The following EFNA5 variants were observed in gnomAD, a reference collection of about 807,000 sequenced individuals.
The protein encoded by EFNA5 is ephrin-A5.
Under a neutral mutation model 22.9 loss-of-function variants are expected in EFNA5, and 5 were observed. The ratio of observed to expected loss-of-function variants is 0.22; its 90% CI spans 0.11 to 0.46. The LOEUF (loss-of-function observed/expected upper bound fraction) is 0.46, where lower values mean the gene tolerates loss of function less well. EFNA5 is among the 20% of genes least tolerant of loss of function. The pLI is 0.99. For synonymous variants in EFNA5, 113 were observed against 112.2 expected (o/e 1.01, Z -0.04); for missense variants, 237 against 293.3 (o/e 0.81, Z 1.40).
intron 1 of EFNA5, among the ~76,000 whole-genome samples, chr5:107,481,849 C>A (rs201064660): frequency 1.7e-3 from 200 of 119,666 alleles, no homozygotes; most frequent in Admixed American, 2.1e-3. Flanking sequence ...GACTCCATCT[C>A]AAAAAAAAAA....
intron 1 of EFNA5, among the ~76,000 whole-genome samples, chr5:107,633,218 C>T (rs1264748416): frequency 1.3e-5 from 2 of 152,214 alleles, no homozygotes; most frequent in Admixed American, 1.3e-4. Context: ...CCGAAGTGAA[C>T]TACTCCTCCA....
At chr5:107,381,692 A>G (rs1205944862) in intron 4 of EFNA5, among the ~76,000 whole-genome samples, 1 of 151,952 alleles carries the variant, frequency 6.6e-6, no homozygotes. Context: ...CAAATTTCAG[A>G]TATCTGAATG....
At chr5:107,575,734 T>G (rs1034231629) in intron 1 of EFNA5, among the ~76,000 whole-genome samples, 1 of 152,116 alleles carries the variant, frequency 6.6e-6, no homozygotes, top group African/African-American at 2.4e-5. Context: ...GGCCACAGAA[T>G]GAAAAGATTT....
At chr5:107,413,104 A>G (rs987848899) in intron 2 of EFNA5, among the ~76,000 whole-genome samples, 1 of 152,188 alleles carries the variant, frequency 6.6e-6, no homozygotes, top group African/African-American at 2.4e-5. Context: ...GAAAACTTGA[A>G]GCATGGGTTG....
chr5:107,416,782 A>C (rs1748515758), intron 2 of EFNA5, among the ~76,000 whole-genome samples: 2 of 152,242 alleles, frequency 1.3e-5, no homozygotes, highest in East Asian at 3.9e-4. Flanking sequence ...AAAAGTAAAA[A>C]ATTTGCCTGT....
chr5:107,502,149 T>C (rs1747151187), intron 1 of EFNA5, among the ~76,000 whole-genome samples: 1 of 152,210 alleles, frequency 6.6e-6, no homozygotes, highest in African/African-American at 2.4e-5. Context: ...AGTTCACCGA[T>C]CTAATTCCAG....
chr5:107,629,127 A>G (rs902837522), intron 1 of EFNA5, among the ~76,000 whole-genome samples: 8 of 152,286 alleles, frequency 5.3e-5, no homozygotes, highest in African/African-American at 1.9e-4. Context: ...TACTACGTGC[A>G]TGTATTACCT....
intron 2 of EFNA5, among the ~76,000 whole-genome samples, chr5:107,406,902 G>A (rs887900166): frequency 6.6e-5 from 10 of 152,064 alleles, no homozygotes; most frequent in African/African-American, 2.4e-4. Context: ...CTAACTGCCC[G>A]CAGAATCACA....
At position 107,384,443 on chromosome 5, in the gene EFNA5, T is replaced by C. The variant is rs543079234; in HGVS notation, c.565+2792A>G. On this transcript the variant is annotated intron_variant, in intron 4 of 4. Transcript: ENST00000333274. ...TGTGCAAGCAAACAAAAAAGACAAA[T>C]ACATTCCAAAGACAGGTGAATTAGT... Among the ~76,000 whole-genome samples the C allele has an allele frequency of 2.0e-5, 3 of 152,184 alleles. No homozygotes were observed. In the East Asian group the frequency reaches 5.8e-4, roughly 29 times the overall value.
At chr5:107,473,220 G>T in intron 1 of EFNA5, among the ~76,000 whole-genome samples, 1 of 150,056 alleles carries the variant, frequency 6.7e-6, no homozygotes, top group Non-Finnish European at 1.5e-5. Context: ...CCCAAATCTT[G>T]ACTCTAAAAA....
intron 1 of EFNA5, among the ~76,000 whole-genome samples, chr5:107,594,915 T>C (rs116078612): frequency 1.7e-3 from 255 of 152,362 alleles, no homozygotes; most frequent in Middle Eastern, 0.01. Flanking sequence ...AAAGCAGACC[T>C]TCTGGCCAAA....
chr5:107,580,741 GAAAAGA>G (rs1749051299), intron 1 of EFNA5, among the ~76,000 whole-genome samples: 2 of 128,928 alleles, frequency 1.6e-5, no homozygotes, highest in South Asian at 2.4e-4. Flanking sequence ...AAAAAAAAAA[GAAAAGA>G]AAAGAAAAGA....
intron 1 of EFNA5, among the ~76,000 whole-genome samples, chr5:107,557,834 A>G (rs1385119306): frequency 6.6e-6 from 1 of 152,232 alleles, no homozygotes; most frequent in Non-Finnish European, 1.5e-5. Context: ...GGCCTCTTAT[A>G]ATAATGATGT....
chr5:107,627,171 T>C (rs1379235442), intron 1 of EFNA5, among the ~76,000 whole-genome samples: 1 of 152,228 alleles, frequency 6.6e-6, no homozygotes, highest in Non-Finnish European at 1.5e-5. Flanking sequence ...ATTAATATAC[T>C]ATTACTAAAA....
intron 1 of EFNA5, among the ~76,000 whole-genome samples, chr5:107,567,710 A>G (rs1224207647): frequency 1.3e-5 from 2 of 152,320 alleles, no homozygotes. Context: ...TAAAAACAAT[A>G]GCCAGGTTCC....
At chr5:107,395,185 C>T (rs552165866) in intron 2 of EFNA5, among the ~76,000 whole-genome samples, 1 of 151,982 alleles carries the variant, frequency 6.6e-6, no homozygotes, top group African/African-American at 2.4e-5. Flanking sequence ...ATTACAAGTG[C>T]ATGCCAACAT....
chr5:107,504,157 T>C (rs1288080055), intron 1 of EFNA5, among the ~76,000 whole-genome samples: 1 of 152,162 alleles, frequency 6.6e-6, no homozygotes, highest in Non-Finnish European at 1.5e-5. Flanking sequence ...AAAAGAAAGG[T>C]CTTTTTTGTT....
At chr5:107,482,774 G>T (rs1750504293) in intron 1 of EFNA5, among the ~76,000 whole-genome samples, 1 of 149,420 alleles carries the variant, frequency 6.7e-6, no homozygotes. Context: ...GTCTCCCTCT[G>T]TAACCTCTTT....
chr5:107,451,341 G>A (rs1453572034), intron 1 of EFNA5, among the ~76,000 whole-genome samples: 1 of 152,160 alleles, frequency 6.6e-6, no homozygotes, highest in Non-Finnish European at 1.5e-5. Flanking sequence ...CTATGCATAT[G>A]TGTAAAGCAA....
Sources: allele counts gnomAD v4.1 joint callset (sites outside exome capture counted in the v4.1 genomes callset), GRCh38; gene constraint gnomAD v4.1.1; transcripts MANE v1.5; gene names NCBI Gene and HGNC (gene_info 2026-07-23, HGNC 2026-07-21).